Variants in RTTN observed in about 807,000 individuals in gnomAD.
RTTN encodes the protein rotatin.
A neutral mutation model predicts 269.2 loss-of-function variants in RTTN; 182 were observed. That is an observed-to-expected ratio of 0.68 (90% confidence interval 0.60 to 0.76). RTTN has a LOEUF of 0.76. Ranked by LOEUF, RTTN falls within the 30% of genes least tolerant of loss-of-function variation. The pLI is 0.00. For synonymous variants in RTTN, 1,006 were observed against 963.5 expected (o/e 1.04, Z -0.82); for missense variants, 2,545 against 2,608.6 (o/e 0.98, Z 0.53).
chr18:70,119,488 G>C (rs1371259190), intron 26 of RTTN, among the ~76,000 whole-genome samples: 1 of 151,780 alleles, frequency 6.6e-6, no homozygotes, highest in East Asian at 1.9e-4. Flanking sequence ...GAAGGGAGAA[G>C]GGAAGGGAGG....
intron 40 of RTTN, among the ~76,000 whole-genome samples, chr18:70,037,212 T>C (rs2057201706): frequency 6.6e-6 from 1 of 152,194 alleles, no homozygotes; most frequent in Non-Finnish European, 1.5e-5. Context: ...AGGCCTGCAA[T>C]TCCTAGGCAA....
intron 28 of RTTN, among the ~76,000 whole-genome samples, chr18:70,099,665 T>G (rs1418011843): frequency 1.3e-5 from 2 of 152,196 alleles, no homozygotes; most frequent in Admixed American, 6.5e-5. Context: ...CATGCCTATG[T>G]CCTGAATGGT....
At chr18:70,039,688 G>A (rs1311078526) in intron 40 of RTTN, among the ~76,000 whole-genome samples, 1 of 152,110 alleles carries the variant, frequency 6.6e-6, no homozygotes, top group Non-Finnish European at 1.5e-5. Context: ...ATGGTGTTGT[G>A]TAAACTACTC....
At chr18:70,184,699 G>T (rs2061493514) in intron 10 of RTTN, among the ~76,000 whole-genome samples, 4 of 43,904 alleles carry the variant, frequency 9.1e-5, no homozygotes, top group Non-Finnish European at 1.5e-4. Context: ...CAAAACCACA[G>T]CAGGTTTTTT....
chr18:70,006,927 T>A (rs1394493229), intron 46 of RTTN: 1 of 154,230 alleles, frequency 6.5e-6, no homozygotes, highest in African/African-American at 2.4e-5. Context: ...TCATCAAATA[T>A]CACACTGCTT....
chr18:70,128,386 G>C lies in RTTN; in HGVS notation c.3115C>G (p.Gln1039Glu), dbSNP rs770836677. Residue 1039 changes from glutamine to glutamate, a missense_variant, in exon 24 of 49, where the codon CAA becomes GAA. Transcript: ENST00000640769. ...TGCGTTTTAGTTTCAGAGTTCATTT[G>C]CTTCAACAGATTATCACTCCCATGA... is the stretch of plus-strand genomic sequence containing the variant. ...WYHGSDNLLK[Q>E]MNSETKTQEI... is the part of the protein sequence containing the mutation. 14 of 1,612,666 alleles carry C rather than the reference G, an allele frequency of 8.7e-6. No homozygotes were observed. The East Asian group carries it at 8.9e-5, about 10-fold the overall frequency.
chr18:70,045,408 T>C (rs1224246685), intron 40 of RTTN, among the ~76,000 whole-genome samples: 1 of 152,204 alleles, frequency 6.6e-6, no homozygotes, highest in African/African-American at 2.4e-5. Flanking sequence ...CTTAGACCTT[T>C]GAAAGACATC....
chr18:70,005,431 C>T, intron 47 of RTTN, 164 bp from the exon 48 acceptor site: 1 of 449,902 alleles, frequency 2.2e-6, no homozygotes, highest in East Asian at 3.4e-5. Context: ...TTGAGCCAAT[C>T]CCCTTGCACA....
At chr18:70,052,889 A>G (rs900871222) in intron 38 of RTTN, among the ~76,000 whole-genome samples, 1 of 152,090 alleles carries the variant, frequency 6.6e-6, no homozygotes, top group African/African-American at 2.4e-5. Flanking sequence ...TTTTCCTTTC[A>G]GCGCTTGATA....
intron 28 of RTTN, among the ~76,000 whole-genome samples, chr18:70,096,584 A>T (rs1172427204): frequency 1.3e-5 from 2 of 152,154 alleles, no homozygotes; most frequent in Non-Finnish European, 2.9e-5. Context: ...AGTTGGCTGG[A>T]GGTCCACTCC....
intron 43 of RTTN, among the ~76,000 whole-genome samples, chr18:70,026,200 G>T (rs2056848028): frequency 6.6e-6 from 1 of 152,114 alleles, no homozygotes; most frequent in Non-Finnish European, 1.5e-5. Flanking sequence ...TAAGCACGGT[G>T]GCATTTGCTA....
chr18:70,154,964 T>C lies in RTTN; in HGVS notation c.1930-4231A>G, dbSNP rs552251562. 6.1e-4 allele frequency among the ~76,000 whole-genome samples: 93 copies of C among 152,160 alleles called. No homozygotes were observed. The South Asian group carries it at 0.013, about 22-fold the overall frequency. On this transcript the variant is annotated intron_variant, in intron 14 of 48. Transcript: ENST00000640769. The stretch of plus-strand genomic sequence containing the variant: ...TATTAGTCATTTCACACATTCAACA[T>C]CTCACTTTCAATCTCAAAGAAAATA...
chr18:70,057,702 C>A, intron 37 of RTTN, 40 bp downstream of exon 37: 4 of 1,503,640 alleles, frequency 2.7e-6, no homozygotes, highest in Non-Finnish European at 3.7e-6. Context: ...TTTTTGACAC[C>A]TAACGTAAAC....
At chr18:70,106,280 G>A (rs966892964) in intron 28 of RTTN, among the ~76,000 whole-genome samples, 8 of 152,186 alleles carry the variant, frequency 5.3e-5, no homozygotes. Context: ...AGGAGGTTGA[G>A]GCTGTAGTGA....
chr18:70,066,246 A>C (rs17082051), intron 34 of RTTN, among the ~76,000 whole-genome samples: 1 of 152,162 alleles, frequency 6.6e-6, no homozygotes, highest in East Asian at 1.9e-4. Flanking sequence ...ATACCACCTT[A>C]ACTATAATTT....
At chr18:70,019,072 G>A (rs2056627962) in intron 45 of RTTN, among the ~76,000 whole-genome samples, 1 of 152,052 alleles carries the variant, frequency 6.6e-6, no homozygotes, top group Admixed American at 6.6e-5. Flanking sequence ...GGAAGTCTCA[G>A]GCATTTCCTA....
chr18:70,165,976 G>A (rs1016298333), intron 14 of RTTN, 86 bp downstream of exon 14: 6 of 1,338,412 alleles, frequency 4.5e-6, no homozygotes, highest in Admixed American at 4.0e-5. Flanking sequence ...TCATACAAAA[G>A]GTCAAGTAAA....
chr18:70,200,932 T>C (rs2061928937), intron 4 of RTTN, among the ~76,000 whole-genome samples: 1 of 152,226 alleles, frequency 6.6e-6, no homozygotes, highest in Non-Finnish European at 1.5e-5. Context: ...TTTTTTGGTA[T>C]TGTTCCAGAC....
chr18:70,101,170 C>A (rs907812789), intron 28 of RTTN, among the ~76,000 whole-genome samples: 1 of 152,160 alleles, frequency 6.6e-6, no homozygotes, highest in East Asian at 1.9e-4. Flanking sequence ...CCTCTTCGTA[C>A]CTCTGGTAGA....
Sources: gnomAD v4.1 joint callset for allele counts (sites outside exome capture counted in the v4.1 genomes callset) on GRCh38, gnomAD v4.1.1 for gene constraint, MANE v1.5 for transcripts, NCBI Gene and HGNC (gene_info 2026-07-23, HGNC 2026-07-21) for gene names.